Variants in NBPF15 observed in about 807,000 individuals in gnomAD.
NBPF15 encodes NBPF family member NBPF15.
Under a neutral mutation model 62.2 loss-of-function variants are expected in NBPF15, and 74 were observed. That is an observed-to-expected ratio of 1.19 (90% CI 0.99 to 1.44). The LOEUF is 1.44. NBPF15 is among the 40% of genes most tolerant of loss of function. The pLI, the probability that NBPF15 is intolerant of heterozygous loss-of-function variation, is 0.00. For missense variants in NBPF15, 790 were observed against 550.0 expected, an observed-to-expected ratio of 1.44 and a Z score of -4.36; for synonymous variants, 244 against 209.7, an observed-to-expected ratio of 1.16 and a Z score of -1.41.
intron 13 of NBPF15, among the ~76,000 whole-genome samples, chr1:144,430,910 C>G (rs1315392927): frequency 3.3e-5 from 5 of 151,938 alleles, no homozygotes; most frequent in Non-Finnish European, 5.9e-5. Context: ...AACCATGGCA[C>G]GAGAACTACG....
At chr1:144,438,506 C>T (rs1273481331) in intron 8 of NBPF15, among the ~76,000 whole-genome samples, 1 of 151,866 alleles carries the variant, frequency 6.6e-6, no homozygotes, top group African/African-American at 2.4e-5. Flanking sequence ...TTTTTAAAAT[C>T]TTTGATTTTT....
In NBPF15 at chr1:144,439,880, A is replaced by T; in HGVS notation, c.124T>A (p.Cys42Ser). 2 of 1,610,924 alleles carry T rather than the reference A, an allele frequency of 1.2e-6. No homozygotes were observed. The highest frequency in any genetic ancestry group is 1.7e-6 in the Non-Finnish European group (2 of 1,178,940). The change falls in exon 8 of 22, where the codon TGT (cysteine) becomes AGT (serine). Residue 42 changes from cysteine (C) to serine (S), a missense_variant. By Grantham distance (112) the Cys-to-Ser change is moderately radical. Transcript: ENST00000581897. Reference sequence around the variant, plus strand: ...AAGCCGGCCAGTTGAGTTAGAAAACATTTCTCTTTGAGGTTTCTGAACTGC... The same window carrying T: ...AAGCCGGCCAGTTGAGTTAGAAAACTTTTCTCTTTGAGGTTTCTGAACTGC... Reference protein sequence around the residue: ...KQQFRNLKEKCFLTQLAGFLA... With the variant: ...KQQFRNLKEKSFLTQLAGFLA...
At chr1:144,433,066 G>A (rs4385774) in intron 13 of NBPF15, among the ~76,000 whole-genome samples, 2,352 of 149,270 alleles carry the variant, frequency 0.016, 55 homozygotes, top group African/African-American at 0.054. Flanking sequence ...TAAAGCACTC[G>A]TCAGCAAATG....
Position 144,439,879 on chromosome 1 carries a change from C to A in NBPF15, c.125G>T (p.Cys42Phe). 6.2e-7 allele frequency: 1 copy of A among 1,610,870 alleles called. No homozygotes were observed. ...GAAGCCGGCCAGTTGAGTTAGAAAA[C>A]ATTTCTCTTTGAGGTTTCTGAACTG... Reference protein sequence around the residue: ...KQQFRNLKEKCFLTQLAGFLA... With the variant: ...KQQFRNLKEKFFLTQLAGFLA... Residue 42 changes from cysteine to phenylalanine, a missense_variant, in exon 8 of 22, where the codon TGT becomes TTT. Physicochemically the swap from Cys to Phe is radical, Grantham distance 205. Coordinates refer to ENST00000581897, the MANE Select transcript of NBPF15 (RefSeq NM_001385408.1).
rs1553548554 is a variant in NBPF15, at chr1:144,461,594, T to A, written c.-1151A>T. 6.5e-6 allele frequency: 1 copy of A among 152,696 alleles called. No homozygotes were observed. The highest frequency in any genetic ancestry group is 6.6e-5 in the Admixed American group (1 of 15,266). The allele number at this position is 152,696 out of a possible 1,614,324, so 9.5% of individuals were successfully genotyped here. A position where few individuals can be genotyped will look rare whatever the true frequency, so the allele number is the denominator to read the frequency against. On this transcript the variant is annotated 5_prime_UTR_variant, in exon 1 of 22. Coordinates refer to ENST00000581897, the MANE Select transcript of NBPF15 (RefSeq NM_001385408.1). The stretch of plus-strand genomic sequence containing the variant: ...CACCTACCCCTCCCGATACCGCCGC[T>A]GTCTCAACCGCCGCCCAGCCCATAG...
chr1:144,423,930 G>A lies in NBPF15; in HGVS notation c.1709C>T (p.Ser570Leu). The A allele has an allele frequency of 1.3e-6, 1 of 792,230 alleles. No homozygotes were observed. The highest frequency in any genetic ancestry group is 1.3e-5 in the South Asian group (1 of 74,984). 49.1% of individuals were successfully genotyped at this position (792,230 alleles called of 1,614,324 possible). The part of the protein sequence containing the change: ...GKGKKRRGRR[S>L]KKKRRRGRKE... Reference sequence around the variant, plus strand: ...TCTTCCCCTTCTTCTTTTCTTCTTTGATCTTCTTCCCCTTCTTTTCTTCCC... The same window carrying A: ...TCTTCCCCTTCTTCTTTTCTTCTTTAATCTTCTTCCCCTTCTTTTCTTCCC... Residue 570 changes from serine (S) to leucine (L), a missense_variant, in exon 21 of 22, where the codon TCA becomes TTA. By Grantham distance (145) the Ser-to-Leu change is moderately radical (BLOSUM62 -2). Coordinates refer to ENST00000581897, the MANE Select transcript of NBPF15 (RefSeq NM_001385408.1).
intron 3 of NBPF15, 30 bp downstream of exon 3, chr1:144,459,336 C>A (rs1328640564): frequency 2.0e-5 from 3 of 151,878 alleles, no homozygotes; most frequent in Non-Finnish European, 4.4e-5. Flanking sequence ...ACTAAAAATA[C>A]AGAAAAGAGC....
rs1553538512 is a variant in NBPF15 at position 144,423,054 on chromosome 1, G to A, written c.1972C>T (p.Leu658Phe). ...ACTCCCATCTGGAACACCAGGTGGA[G>A]ACTTGTCACCGTCAAAGTAAAAAAC... ...NRFFTLTVTSLHLVFQMGVIF... is the reference protein window; with the variant it reads ...NRFFTLTVTSFHLVFQMGVIF... The change falls in exon 22 of 22, where the codon CTC (leucine) becomes TTC (phenylalanine). Residue 658 changes from leucine to phenylalanine, a missense_variant. Physicochemically the swap from Leu to Phe is conservative, Grantham distance 22. Coordinates refer to ENST00000581897, the MANE Select transcript of NBPF15 (RefSeq NM_001385408.1). 6.2e-7 allele frequency: 1 copy of A among 1,611,660 alleles called. No individual in the cohort carries two copies. Among genetic ancestry groups the A allele is most frequent in the Non-Finnish European group, 8.5e-7 (1 of 1,179,630 alleles).
chr1:144,429,335 A>T (rs1440846028), intron 14 of NBPF15, among the ~76,000 whole-genome samples: 1 of 150,626 alleles, frequency 6.6e-6, no homozygotes, highest in Non-Finnish European at 1.5e-5. Flanking sequence ...AACAAAACTC[A>T]TAAGGAATTT....
rs1439622891 is a variant in NBPF15 at position 144,461,442 on chromosome 1, C to G, written c.-999G>C. 1 of 152,260 alleles carries G rather than the reference C, an allele frequency of 6.6e-6. No individual in the cohort carries two copies. The highest frequency in any genetic ancestry group is 1.5e-5 in the Non-Finnish European group (1 of 68,156). The allele number at this position is 152,260 out of a possible 1,614,324, so 9.4% of individuals were successfully genotyped here. A position where few individuals can be genotyped will look rare whatever the true frequency, so the allele number is the denominator to read the frequency against. ...AACGCTGGGTGGACTTCGCTGTAAA[C>G]CGTAACTTCCCATCCAGACGGCATC... On this transcript the variant is annotated 5_prime_UTR_variant, in exon 1 of 22. Transcript: ENST00000581897.
At chr1:144,437,213 A>T in intron 9 of NBPF15, 104 bp from the exon 10 acceptor site, 1 of 1,181,042 alleles carries the variant, frequency 8.5e-7, no homozygotes, top group African/African-American at 1.5e-5. Context: ...GGAGACCTCG[A>T]AGCAGAAGGT....
intron 13 of NBPF15, among the ~76,000 whole-genome samples, chr1:144,431,005 G>A (rs1374048491): frequency 7.2e-5 from 11 of 152,004 alleles, no homozygotes; most frequent in African/African-American, 2.4e-4. Flanking sequence ...ATGAAATGAA[G>A]CGAGAAGAGA....
chr1:144,428,072 A>C (rs1250391806), intron 15 of NBPF15, 82 bp from the exon 16 acceptor site: 1 of 777,022 alleles, frequency 1.3e-6, no homozygotes, highest in Non-Finnish European at 2.4e-6. Flanking sequence ...TGGCTAACAT[A>C]AGGAAGAGTT....
intron 4 of NBPF15, among the ~76,000 whole-genome samples, 198 bp downstream of exon 4, chr1:144,456,339 G>A (rs73002826): frequency 1.3e-4 from 19 of 151,950 alleles, no homozygotes; most frequent in Non-Finnish European, 1.8e-4. Context: ...TCCACCTGAC[G>A]ACGGCACTGC....
intron 18 of NBPF15, 29 bp from the exon 19 acceptor site, chr1:144,425,597 A>C: frequency 1.8e-6 from 1 of 541,108 alleles, no homozygotes; most frequent in East Asian, 3.3e-5. Context: ...GGGACAGACA[A>C]AATAAGCCAA....
intron 6 of NBPF15, among the ~76,000 whole-genome samples, chr1:144,443,165 C>CCCCCA (rs1378407157): frequency 2.6e-5 from 4 of 151,780 alleles, no homozygotes; most frequent in African/African-American, 9.7e-5. Context: ...CAGACACCTT[C>CCCCCA]CCCCACCCAT....
rs1553539281 is a variant in NBPF15, at chr1:144,426,463, G to T, written c.1266-13C>A. ...CTCCCTGCTGAGCCTGGAAAAGTAGGAAAAAGTAAAGAATAAGCCAGGGAG... is the reference window on the plus strand; with the variant it reads ...CTCCCTGCTGAGCCTGGAAAAGTAGTAAAAAGTAAAGAATAAGCCAGGGAG... On this transcript the variant is annotated splice_polypyrimidine_tract_variant and intron_variant, in intron 17 of 21. Coordinates refer to ENST00000581897, the MANE Select transcript of NBPF15 (RefSeq NM_001385408.1). 1.2e-6 allele frequency: 1 copy of T among 810,792 alleles called. No individual in the cohort carries two copies. The highest frequency in any genetic ancestry group is 2.2e-6 in the Non-Finnish European group (1 of 448,648). The allele number at this position is 810,792 out of a possible 1,614,324, so 50.2% of individuals were successfully genotyped here.
In NBPF15 at chr1:144,422,742, C is replaced by T; in HGVS notation, c.*271G>A. 1 of 697,456 alleles carries T rather than the reference C, an allele frequency of 1.4e-6. No homozygotes were observed. The highest frequency in any genetic ancestry group is 2.3e-6 in the Non-Finnish European group (1 of 434,408). 43.2% of individuals were successfully genotyped at this position (697,456 alleles called of 1,614,324 possible). A position where few individuals can be genotyped will look rare whatever the true frequency, so the allele number is the denominator to read the frequency against. On this transcript the variant is annotated 3_prime_UTR_variant, in exon 22 of 22. Coordinates refer to ENST00000581897, the MANE Select transcript of NBPF15 (RefSeq NM_001385408.1). ...AATCCCTGAGGAATTTTGTAGCTAC[C>T]CAGAGATACGTGGTTCAAATTAAAA... is the stretch of plus-strand genomic sequence containing the variant.
At position 144,450,488 on chromosome 1, in the gene NBPF15, C is replaced by T. The variant is rs140780524; in HGVS notation, c.-333+284G>A. The stretch of plus-strand genomic sequence containing the variant: ...AACTCTTTCATTATCTGTAGTGAAC[C>T]TGGAAAAATAGCTTGAGCTCTAGGA... On this transcript the variant is annotated intron_variant, in intron 5 of 21. Coordinates refer to ENST00000581897, the MANE Select transcript of NBPF15 (RefSeq NM_001385408.1). 4.8e-3 allele frequency among the ~76,000 whole-genome samples: 730 copies of T among 151,746 alleles called. 12 individuals carry two copies. Among genetic ancestry groups the T allele is most frequent in the African/African-American group, 0.017 (693 of 41,168 alleles).
Sources: gnomAD v4.1 joint callset for allele counts (sites outside exome capture counted in the v4.1 genomes callset) on GRCh38, gnomAD v4.1.1 for gene constraint, MANE v1.5 for transcripts, NCBI Gene and HGNC (gene_info 2026-07-23, HGNC 2026-07-21) for gene names.